Variants in MCF2L2 observed in about 807,000 individuals in gnomAD.
The protein encoded by MCF2L2 is probable guanine nucleotide exchange factor MCF2L2.
Under a neutral mutation model 150.2 loss-of-function variants are expected in MCF2L2, and 102 were observed. The ratio of observed to expected loss-of-function variants is 0.68; its 90% CI spans 0.58 to 0.80. The LOEUF is 0.80. MCF2L2 is among the 30% of genes least tolerant of loss of function. The pLI is 0.00. For synonymous variants in MCF2L2, 465 were observed against 491.3 expected (o/e 0.95, Z 0.71); for missense variants, 1,256 against 1,372.8 (o/e 0.91, Z 1.34).
chr3:183,240,232 T>C (rs776903296), intron 15 of MCF2L2, among the ~76,000 whole-genome samples: 7 of 152,204 alleles, frequency 4.6e-5, no homozygotes, highest in Non-Finnish European at 1.0e-4. Context: ...GCTACGCCCT[T>C]CCAAAAGCTC....
Position 183,297,026 on chromosome 3 carries a change from G to C in MCF2L2, c.1447C>G (p.Pro483Ala). The change falls in exon 12 of 30, where the codon CCC (proline) becomes GCC (alanine). Residue 483 changes from proline (P) to alanine (A), a missense_variant. By Grantham distance (27) the Pro-to-Ala change is conservative. Transcript: ENST00000328913. Reference protein sequence around the residue: ...GTVKEYPLLSPKEFYNEFELL... With the variant: ...GTVKEYPLLSAKEFYNEFELL... Reference sequence around the variant, plus strand: ...TCAAACTCGTTGTAAAACTCCTTGGGGCTGAGCAACGGGTACTCCTTGACT... The same window carrying C: ...TCAAACTCGTTGTAAAACTCCTTGGCGCTGAGCAACGGGTACTCCTTGACT... 6.2e-7 allele frequency: 1 copy of C among 1,614,052 alleles called. No homozygotes were observed.
chr3:183,274,987 C>A (rs1291630485), intron 15 of MCF2L2, among the ~76,000 whole-genome samples: 1 of 151,536 alleles, frequency 6.6e-6, no homozygotes, highest in African/African-American at 2.4e-5. Context: ...TTATCACTGC[C>A]ACTATTATCT....
chr3:183,304,930 A>C (rs1030787822), intron 10 of MCF2L2, among the ~76,000 whole-genome samples: 1 of 152,220 alleles, frequency 6.6e-6, no homozygotes, highest in Non-Finnish European at 1.5e-5. Context: ...TGAACCTAGC[A>C]CATGTTCCAT....
chr3:183,357,782 A>G (rs1334147927), intron 3 of MCF2L2, among the ~76,000 whole-genome samples: 3 of 151,584 alleles, frequency 2.0e-5, no homozygotes, highest in Non-Finnish European at 4.4e-5. Context: ...AAGACCTACA[A>G]GTAATACTCA....
chr3:183,340,079 C>T (rs1730637047), intron 4 of MCF2L2, among the ~76,000 whole-genome samples: 1 of 152,168 alleles, frequency 6.6e-6, no homozygotes, highest in Non-Finnish European at 1.5e-5. Context: ...ATCCTATATC[C>T]ACAACTAAAC....
At chr3:183,191,673 T>C (rs549473277) in intron 27 of MCF2L2, among the ~76,000 whole-genome samples, 1 of 152,336 alleles carries the variant, frequency 6.6e-6, no homozygotes, top group African/African-American at 2.4e-5. Context: ...AGATGATTCC[T>C]TCTTACCATA....
At chr3:183,337,510 G>A (rs368810747) in intron 5 of MCF2L2, among the ~76,000 whole-genome samples, 2 of 136,620 alleles carry the variant, frequency 1.5e-5, no homozygotes, top group East Asian at 2.1e-4. Context: ...CTGAAATTGC[G>A]CCACTGCACT....
chr3:183,278,913 T>C (rs1376617490), intron 14 of MCF2L2, among the ~76,000 whole-genome samples: 1 of 152,222 alleles, frequency 6.6e-6, no homozygotes, highest in African/African-American at 2.4e-5. Flanking sequence ...CCTTGGCACG[T>C]TGCTCTGCTG....
chr3:183,425,360 G>C (rs1245244413), intron 1 of MCF2L2, among the ~76,000 whole-genome samples: 1 of 152,112 alleles, frequency 6.6e-6, no homozygotes, highest in African/African-American at 2.4e-5. Context: ...GGAAGACAGT[G>C]TGGCTACCCT....
chr3:183,281,363 T>C (rs1258154324), intron 14 of MCF2L2, among the ~76,000 whole-genome samples: 2 of 116,318 alleles, frequency 1.7e-5, no homozygotes, highest in Admixed American at 9.9e-5. Flanking sequence ...GAACCTCACC[T>C]TTTTTTTTTT....
chr3:183,357,820 C>A (rs1711877290), intron 3 of MCF2L2, among the ~76,000 whole-genome samples: 1 of 149,212 alleles, frequency 6.7e-6, no homozygotes, highest in Non-Finnish European at 1.5e-5. Flanking sequence ...TTCTCTTCTC[C>A]ATGATGTAAA....
At chr3:183,420,454 C>T (rs576200193) in intron 1 of MCF2L2, among the ~76,000 whole-genome samples, 15 of 152,164 alleles carry the variant, frequency 9.9e-5, no homozygotes, top group Admixed American at 2.6e-4. Context: ...AAAAATTAGC[C>T]GGGCGTTGTG....
At chr3:183,350,718 C>T (rs4859113) in intron 3 of MCF2L2, among the ~76,000 whole-genome samples, 17,512 of 152,014 alleles carry the variant, frequency 0.12, 1,673 homozygotes, top group African/African-American at 0.25. Flanking sequence ...TCCTGTCTAA[C>T]ACGGTGAAAC....
At chr3:183,362,330 C>T (rs1022288733) in intron 3 of MCF2L2, among the ~76,000 whole-genome samples, 3 of 152,096 alleles carry the variant, frequency 2.0e-5, no homozygotes, top group Admixed American at 6.6e-5. Flanking sequence ...ATCTGGAACT[C>T]CTGACCTCGT....
chr3:183,317,526 A>G (rs1005348725), intron 7 of MCF2L2, among the ~76,000 whole-genome samples: 2 of 152,184 alleles, frequency 1.3e-5, no homozygotes, highest in African/African-American at 4.8e-5. Flanking sequence ...AACTCAGGAC[A>G]GGGTGCCTTC....
At chr3:183,294,530 T>C (rs957107344) in intron 13 of MCF2L2, among the ~76,000 whole-genome samples, 14 of 145,766 alleles carry the variant, frequency 9.6e-5, no homozygotes, top group African/African-American at 3.5e-4. Flanking sequence ...TTTATTTATA[T>C]ATATATATGT....
intron 10 of MCF2L2, among the ~76,000 whole-genome samples, chr3:183,308,158 G>A (rs935616189): frequency 6.6e-6 from 1 of 152,086 alleles, no homozygotes; most frequent in African/African-American, 2.4e-5. Flanking sequence ...TAGAATGTAA[G>A]CTCCATGAGG....
intron 15 of MCF2L2, chr3:183,269,839 A>C: frequency 6.2e-7 from 1 of 1,612,550 alleles, no homozygotes; most frequent in Middle Eastern, 1.7e-4. Flanking sequence ...AAAAAATGGC[A>C]GTTAATTATT....
chr3:183,276,767 G>T (rs1727173963), intron 15 of MCF2L2, 105 bp downstream of exon 15: 3 of 749,660 alleles, frequency 4.0e-6, no homozygotes, highest in East Asian at 5.8e-5. Context: ...TAAATATTAT[G>T]ATTCTTATCT....
Sources: allele counts gnomAD v4.1 joint callset (sites outside exome capture counted in the v4.1 genomes callset), GRCh38; gene constraint gnomAD v4.1.1; transcripts MANE v1.5; gene names NCBI Gene and HGNC (gene_info 2026-07-23, HGNC 2026-07-21).